CHRM5: variants seen among roughly 807,000 people sequenced by gnomAD.
CHRM5 encodes cholinergic receptor muscarinic 5, also known as muscarinic acetylcholine receptor M5.
A neutral mutation model predicts 39.0 loss-of-function variants in CHRM5; 18 were observed. The observed-to-expected ratio is 0.46, with a 90% CI of 0.32 to 0.68. CHRM5 has a LOEUF of 0.68. Ranked by LOEUF, CHRM5 falls within the 30% of genes least tolerant of loss-of-function variation. The pLI is 0.04. For synonymous variants in CHRM5, 241 were observed against 246.3 expected (o/e 0.98, Z 0.20); for missense variants, 515 against 651.1 (o/e 0.79, Z 2.28).
chr15:33,998,305 T>C (rs1287004219), intron 1 of CHRM5, among the ~76,000 whole-genome samples: 2 of 152,050 alleles, frequency 1.3e-5, no homozygotes, highest in African/African-American at 4.8e-5. Flanking sequence ...CAAGTAAACA[T>C]GTAGTTATTT....
rs1372954271 is a variant in CHRM5, at chr15:34,065,105, T to G, written c.*789T>G. 2 of 165,228 alleles carry G rather than the reference T, an allele frequency of 1.2e-5. No individual in the cohort carries two copies. The highest frequency in any genetic ancestry group is 2.4e-5 in the African/African-American group (1 of 41,464). 10.2% of individuals were successfully genotyped at this position (165,228 alleles called of 1,614,324 possible). A position where few individuals can be genotyped will look rare whatever the true frequency, so the allele number is the denominator to read the frequency against. On this transcript the variant is annotated 3_prime_UTR_variant, in exon 3 of 3. Coordinates refer to ENST00000383263, the MANE Select transcript of CHRM5 (RefSeq NM_012125.4). ...AAGTCTCCACAGTCAGTTATTTTAG[T>G]TTTTGCCAGTGGAAATTTTTTCTTT...
chr15:34,007,776 A>T (rs1280924793), intron 1 of CHRM5, among the ~76,000 whole-genome samples: 2 of 152,186 alleles, frequency 1.3e-5, no homozygotes, highest in Admixed American at 6.5e-5. Context: ...GAAATCTGAA[A>T]TCTGGGTATT....
intron 1 of CHRM5, among the ~76,000 whole-genome samples, chr15:34,044,148 T>C (rs915846526): frequency 1.3e-5 from 2 of 152,046 alleles, no homozygotes; most frequent in Admixed American, 6.5e-5. Context: ...TTCTGCATCA[T>C]TTCTCTACTC....
intron 1 of CHRM5, among the ~76,000 whole-genome samples, chr15:33,995,859 A>T (rs1896909880): frequency 6.6e-6 from 1 of 152,198 alleles, no homozygotes; most frequent in Non-Finnish European, 1.5e-5. Context: ...ACGGAGGGCG[A>T]GCTGAAGCGG....
intron 1 of CHRM5, among the ~76,000 whole-genome samples, chr15:34,010,486 C>G (rs921780360): frequency 1.3e-5 from 2 of 152,094 alleles, no homozygotes. Flanking sequence ...GTTTAAGAAC[C>G]TAGTTTTTGC....
chr15:34,004,588 T>C (rs1232849253), intron 1 of CHRM5, among the ~76,000 whole-genome samples: 1 of 152,136 alleles, frequency 6.6e-6, no homozygotes, highest in East Asian at 1.9e-4. Flanking sequence ...ATAATACTGG[T>C]ATTGCAATTT....
At chr15:34,025,723 TGTG>T (rs1187294376) in intron 1 of CHRM5, among the ~76,000 whole-genome samples, 2 of 151,972 alleles carry the variant, frequency 1.3e-5, no homozygotes, top group Admixed American at 1.3e-4. Flanking sequence ...AAAAAAAAAT[TGTG>T]TGTGTGTGTT....
At chr15:34,042,750 T>C (rs1471379888) in intron 1 of CHRM5, among the ~76,000 whole-genome samples, 2 of 152,082 alleles carry the variant, frequency 1.3e-5, no homozygotes, top group Non-Finnish European at 2.9e-5. Context: ...CTTAAGGTAG[T>C]TGTTCTCAAA....
At chr15:34,017,546 G>A (rs888944229) in intron 1 of CHRM5, among the ~76,000 whole-genome samples, 1 of 144,812 alleles carries the variant, frequency 6.9e-6, no homozygotes, top group East Asian at 2.0e-4. Flanking sequence ...GCAGTACTGC[G>A]ATCAGCTTAT....
intron 1 of CHRM5, among the ~76,000 whole-genome samples, chr15:34,003,526 T>A (rs1269136472): frequency 1.3e-5 from 2 of 152,216 alleles, no homozygotes; most frequent in African/African-American, 4.8e-5. Flanking sequence ...GCTGTAAGCA[T>A]CTTAAACTCA....
intron 1 of CHRM5, among the ~76,000 whole-genome samples, chr15:33,997,641 A>C (rs1479066164): frequency 2.0e-5 from 3 of 152,036 alleles, no homozygotes; most frequent in Non-Finnish European, 2.9e-5. Context: ...GCCCTGAAAA[A>C]ATCTGTAGTC....
intron 1 of CHRM5, among the ~76,000 whole-genome samples, chr15:33,996,970 G>A (rs545858939): frequency 5.3e-4 from 80 of 152,206 alleles, no homozygotes; most frequent in Non-Finnish European, 7.3e-4. Flanking sequence ...AAAAAGATTA[G>A]ATGAATGGCT....
intron 1 of CHRM5, among the ~76,000 whole-genome samples, chr15:34,025,981 T>C (rs1207895859): frequency 6.6e-6 from 1 of 152,228 alleles, no homozygotes; most frequent in Non-Finnish European, 1.5e-5. Flanking sequence ...AATCACAATA[T>C]ATTTGTAGAA....
At chr15:34,005,774 C>T (rs909461575) in intron 1 of CHRM5, among the ~76,000 whole-genome samples, 1 of 152,200 alleles carries the variant, frequency 6.6e-6, no homozygotes, top group African/African-American at 2.4e-5. Flanking sequence ...CCTGAATCAA[C>T]TTTCATACAC....
chr15:33,979,834 T>A (rs1174234970), intron 1 of CHRM5, among the ~76,000 whole-genome samples: 5 of 152,208 alleles, frequency 3.3e-5, no homozygotes, highest in Non-Finnish European at 7.3e-5. Flanking sequence ...AATGCATATA[T>A]GCTTATATAT....
intron 1 of CHRM5, among the ~76,000 whole-genome samples, chr15:34,045,379 G>C (rs954371479): frequency 1.3e-5 from 2 of 152,134 alleles, no homozygotes; most frequent in Non-Finnish European, 2.9e-5. Flanking sequence ...CAGTCAAAAG[G>C]AGTTAGATAT....
At chr15:33,996,811 C>T (rs1014583834) in intron 1 of CHRM5, among the ~76,000 whole-genome samples, 3 of 152,180 alleles carry the variant, frequency 2.0e-5, no homozygotes, top group African/African-American at 2.4e-5. Context: ...TCCAAAGGAA[C>T]GCAGCTCCTC....
intron 1 of CHRM5, among the ~76,000 whole-genome samples, chr15:34,026,913 A>T (rs970060372): frequency 6.6e-6 from 1 of 152,198 alleles, no homozygotes; most frequent in Non-Finnish European, 1.5e-5. Context: ...GTATAATAGA[A>T]TTAAAGAGTG....
At chr15:33,988,473 A>C (rs1896576366) in intron 1 of CHRM5, among the ~76,000 whole-genome samples, 1 of 152,238 alleles carries the variant, frequency 6.6e-6, no homozygotes. Context: ...TTAGGATTTA[A>C]TGAAATAGAG....
Sources: gnomAD v4.1 joint callset for allele counts (sites outside exome capture counted in the v4.1 genomes callset) on GRCh38, gnomAD v4.1.1 for gene constraint, MANE v1.5 for transcripts, NCBI Gene and HGNC (gene_info 2026-07-23, HGNC 2026-07-21) for gene names.